Variants in HJV observed in about 807,000 individuals in gnomAD.
The protein encoded by HJV is hemojuvelin BMP co-receptor.
In HJV, 18 loss-of-function variants were observed where a neutral mutation model predicts 22.7. That is an observed-to-expected ratio of 0.79 (90% CI 0.55 to 1.18). The LOEUF (loss-of-function observed/expected upper bound fraction) is 1.18, where lower values mean the gene tolerates loss of function less well. Ranked by LOEUF, HJV falls within the 50% of genes most tolerant of loss-of-function variation. The pLI is 0.00. For missense variants in HJV, 572 were observed against 553.0 expected (o/e 1.03, Z -0.34); for synonymous variants, 229 against 222.7 (o/e 1.03, Z -0.25).
At chr1:146,019,126 C>T (rs782187602) in intron 3 of HJV, 49 bp downstream of exon 3, 5 of 1,447,116 alleles carry the variant, frequency 3.5e-6, no homozygotes, top group Admixed American at 3.3e-5. Flanking sequence ...GAATGGTGCC[C>T]GTGGAAGAAT....
In HJV at chr1:146,019,494, A is replaced by C; in HGVS notation, c.338T>G (p.Leu113Arg). Residue 113 changes from leucine (L) to arginine (R), a missense_variant, in exon 3 of 4, where the codon CTG becomes CGG. Transcript: ENST00000336751. ...GCGGGAGCAGTTGTGCTGGATCATC[A>C]GGTCTTCGATGCCATGTACCGCCGA... ...FHSAVHGIEDLMIQHNCSRQG... is the reference protein window; with the variant it reads ...FHSAVHGIEDRMIQHNCSRQG... 1 of 1,612,920 alleles carries C rather than the reference A, an allele frequency of 6.2e-7. No homozygotes were observed. The highest frequency in any genetic ancestry group is 8.5e-7 in the Non-Finnish European group (1 of 1,179,906).
At position 146,019,506 on chromosome 1, in the gene HJV, C is replaced by G; in HGVS notation, c.326G>C (p.Gly109Ala). 1 of 1,612,852 alleles carries G rather than the reference C, an allele frequency of 6.2e-7. No individual in the cohort carries two copies. Among genetic ancestry groups the G allele is most frequent in the Non-Finnish European group, 8.5e-7 (1 of 1,179,906 alleles). Residue 109 changes from glycine to alanine, a missense_variant, in exon 3 of 4, where the codon GGC becomes GCC. Transcript: ENST00000336751. ...GTGCTGGATCATCAGGTCTTCGATGCCATGTACCGCCGAATGGAAGGCGAG... is the reference window on the plus strand; with the variant it reads ...GTGCTGGATCATCAGGTCTTCGATGGCATGTACCGCCGAATGGAAGGCGAG... ...GDLAFHSAVH[G>A]IEDLMIQHNC...
chr1:146,019,312 G>A lies in HJV; in HGVS notation c.520C>T (p.His174Tyr). Residue 174 changes from histidine to tyrosine, a missense_variant, in exon 3 of 4, where the codon CAT becomes TAT. Physicochemically the swap from His to Tyr is moderately conservative, Grantham distance 83. Coordinates refer to ENST00000336751, the MANE Select transcript of HJV (RefSeq NM_213653.4). Reference sequence around the variant, plus strand: ...AAGTGATGGTGGAAGCTGCGCACATGGGGGTCCCCGAAGGAAGCGCAATGC... The same window carrying A: ...AAGTGATGGTGGAAGCTGCGCACATAGGGGTCCCCGAAGGAAGCGCAATGC... ...FLHCASFGDP[H>Y]VRSFHHHFHT... 6.2e-7 allele frequency: 1 copy of A among 1,613,858 alleles called. No individual in the cohort carries two copies. The highest frequency in any genetic ancestry group is 1.1e-5 in the South Asian group (1 of 91,086).
chr1:146,018,956 T>G (rs1293354348), intron 3 of HJV, among the ~76,000 whole-genome samples: 1 of 152,212 alleles, frequency 6.6e-6, no homozygotes, highest in Non-Finnish European at 1.5e-5. Flanking sequence ...CCTCTCCGAC[T>G]GTCTCTTCAA....
At chr1:146,020,021 G>C (rs1211220005) in intron 2 of HJV, 114 bp downstream of exon 2, 2 of 863,732 alleles carry the variant, frequency 2.3e-6, no homozygotes, top group Admixed American at 1.9e-5. Context: ...AGCAGGGCGA[G>C]TGATCGGGAC....
chr1:146,017,694 G>T lies in HJV; in HGVS notation c.*383C>A. 2 of 236,766 alleles carry T rather than the reference G, an allele frequency of 8.4e-6. No individual in the cohort carries two copies. The highest frequency in any genetic ancestry group is 1.8e-5 in the Non-Finnish European group (2 of 110,740). The allele number at this position is 236,766 out of a possible 1,614,324, so 14.7% of individuals were successfully genotyped here. On this transcript the variant is annotated 3_prime_UTR_variant, in exon 4 of 4. Transcript: ENST00000336751. ...GTCTTCCTCCTTTGAGTTTCTTATG[G>T]CTAATGATCATGTCTTCTGCTTTCA...
At position 146,019,574 on chromosome 1, in the gene HJV, A is replaced by G. The variant is rs782705202; in HGVS notation, c.258T>C (p.Tyr86=). The G allele has an allele frequency of 9.3e-6, 15 of 1,613,398 alleles. No homozygotes were observed. The highest frequency in any genetic ancestry group is 2.2e-5 in the South Asian group (2 of 91,082). ...SGGLCRALRS[Y]ALCTRRTART... ...GGGCGGTGCGCCGAGTGCAGAGCGC[A>G]TAGGAGCGGAGGGCTCGACAGAGGC... Residue 86 remains tyrosine (Y), a synonymous_variant, in exon 3 of 4, where the codon TAT becomes TAC. Coordinates refer to ENST00000336751, the MANE Select transcript of HJV (RefSeq NM_213653.4).
In HJV at chr1:146,019,628, T is replaced by G. The variant is rs1553769772; in HGVS notation, c.204A>C (p.Gly68=). The G allele has an allele frequency of 7.0e-7, 1 of 1,436,556 alleles. No homozygotes were observed. The highest frequency in any genetic ancestry group is 9.7e-7 in the Non-Finnish European group (1 of 1,030,374). The allele number at this position is 1,436,556 out of a possible 1,614,324, so 89.0% of individuals were successfully genotyped here. ...SSGALRGGGG[G]GRGGGVGSGG... ...CAGAGCCCACCCCTCCACCCCGGCCTCCTCCTCCTCCTCCTCGAAGTGCTC... is the reference window on the plus strand; with the variant it reads ...CAGAGCCCACCCCTCCACCCCGGCCGCCTCCTCCTCCTCCTCGAAGTGCTC... The change falls in exon 3 of 4, where the codon GGA becomes GGC. Residue 68 remains glycine (G), a synonymous_variant. Transcript: ENST00000336751.
In HJV at chr1:146,018,396, C is replaced by T. The variant is rs782770079; in HGVS notation, c.962G>A (p.Cys321Tyr). 6 of 1,614,086 alleles carry T rather than the reference C, an allele frequency of 3.7e-6. No homozygotes were observed. The highest frequency in any genetic ancestry group is 2.2e-5 in the East Asian group (1 of 44,886). The change falls in exon 4 of 4, where the codon TGC (cysteine) becomes TAC (tyrosine). Residue 321 changes from cysteine to tyrosine, a missense_variant. Transcript: ENST00000336751. ...EQDLQLCVGG[C>Y]PPSQRLSRSE... Reference sequence around the variant, plus strand: ...TCGAGAGAGTCGCTGACTTGGAGGGCACCCCCCAACACAGAGCTGCAGGTC... The same window carrying T: ...TCGAGAGAGTCGCTGACTTGGAGGGTACCCCCCAACACAGAGCTGCAGGTC...
chr1:146,019,106 G>A, intron 3 of HJV, 69 bp downstream of exon 3: 1 of 1,259,850 alleles, frequency 7.9e-7, no homozygotes, highest in Non-Finnish European at 1.2e-6. Flanking sequence ...TGAATAGTGG[G>A]GATGGGGAGG....
chr1:146,020,063 G>C (rs1652626532), intron 2 of HJV, 72 bp downstream of exon 2: 1 of 1,056,438 alleles, frequency 9.5e-7, no homozygotes, highest in Admixed American at 1.7e-5. Context: ...ACTCATTCAG[G>C]CTCACATGCC....
At position 146,017,986 on chromosome 1, in the gene HJV, GC is replaced by G; in HGVS notation, c.*90del. On this transcript the variant is annotated 3_prime_UTR_variant, in exon 4 of 4. Transcript: ENST00000336751. Reference sequence around the variant, plus strand: ...TGTCATTGTTTCACGTGTCTCCTAGGCCCTGCTTCCTTTAATGATTCTTTAC... The same window carrying G: ...TGTCATTGTTTCACGTGTCTCCTAGGCCTGCTTCCTTTAATGATTCTTTAC... 1 of 1,387,970 alleles carries G rather than the reference GC, an allele frequency of 7.2e-7. No individual in the cohort carries two copies. The highest frequency in any genetic ancestry group is 1.0e-6 in the Non-Finnish European group (1 of 979,434). 86.0% of individuals were successfully genotyped at this position (1,387,970 alleles called of 1,614,324 possible). A position where few individuals can be genotyped will look rare whatever the true frequency, so the allele number is the denominator to read the frequency against.
Position 146,018,605 on chromosome 1 carries a change from A to T in HJV, c.753T>A (p.Ser251=). Residue 251 remains serine (S), a synonymous_variant, in exon 4 of 4, where the codon TCT becomes TCA. Transcript: ENST00000336751. ...DNLPVAFEDG[S]INGGDRPGGS... The stretch of plus-strand genomic sequence containing the variant: ...CCCCAGGTCGGTCACCTCCATTGAT[A>T]GAACCATCTTCAAAGGCTACAGGAA... 6.2e-7 allele frequency: 1 copy of T among 1,614,210 alleles called. No homozygotes were observed. Among genetic ancestry groups the T allele is most frequent in the Middle Eastern group, 1.6e-4 (1 of 6,062 alleles).
In HJV at chr1:146,019,518, G is replaced by C; in HGVS notation, c.314C>G (p.Ser105Trp). Residue 105 changes from serine (S) to tryptophan (W), a missense_variant, in exon 3 of 4, where the codon TCG becomes TGG. Coordinates refer to ENST00000336751, the MANE Select transcript of HJV (RefSeq NM_213653.4). ...CAGGTCTTCGATGCCATGTACCGCC[G>C]AATGGAAGGCGAGGTCCCCGCGGCA... ...RTCRGDLAFH[S>W]AVHGIEDLMI... The C allele has an allele frequency of 1.2e-6, 2 of 1,613,006 alleles. No homozygotes were observed.
chr1:146,021,471 A>G (rs1242772837), intron 1 of HJV, 116 bp downstream of exon 1: 2 of 152,754 alleles, frequency 1.3e-5, no homozygotes, highest in African/African-American at 4.8e-5. Context: ...GCACCTTGGT[A>G]GGGAGAGATC....
rs377228945 is a variant in HJV at position 146,020,247 on chromosome 1, T to G, written c.-16A>C. On this transcript the variant is annotated 5_prime_UTR_variant, in exon 2 of 4. Coordinates refer to ENST00000336751, the MANE Select transcript of HJV (RefSeq NM_213653.4). ...GCTCCCCCATACCTATCCAGCCAGG[T>G]TTCCCAGGCGCCGGTTCTTCCCAGC... 56 of 1,557,392 alleles carry G rather than the reference T, an allele frequency of 3.6e-5. No individual in the cohort carries two copies. The African/African-American group carries it at 6.1e-4, about 17-fold the overall frequency.
In HJV at chr1:146,017,849, G is replaced by T. The variant is rs587616184; in HGVS notation, c.*228C>A. The stretch of plus-strand genomic sequence containing the variant: ...CAATTTGTTTACTATAAATGAGGCT[G>T]GAAAAATTGGTGAAGAGCCCCACAG... On this transcript the variant is annotated 3_prime_UTR_variant, in exon 4 of 4. Transcript: ENST00000336751. The T allele has an allele frequency of 1.2e-4, 66 of 573,838 alleles. No homozygotes were observed. The highest frequency in any genetic ancestry group is 1.1e-3 in the African/African-American group (61 of 53,310). The allele number at this position is 573,838 out of a possible 1,614,324, so 35.5% of individuals were successfully genotyped here. A position where few individuals can be genotyped will look rare whatever the true frequency, so the allele number is the denominator to read the frequency against.
intron 2 of HJV, 85 bp from the exon 3 acceptor site, chr1:146,019,819 C>T (rs1652606214): frequency 6.2e-7 from 1 of 1,608,234 alleles, no homozygotes; most frequent in East Asian, 2.2e-5. Flanking sequence ...TCTTCCAAAT[C>T]TCATCAGGGG....
At position 146,018,229 on chromosome 1, in the gene HJV, C is replaced by T. The variant is rs1391755762; in HGVS notation, c.1129G>A (p.Ala377Thr). ...ISGDPNFTVA[A>T]QAALEDARAF... is the part of the protein sequence containing the mutation. ...CGGGCATCCTCCAGTGCTGCCTGAG[C>T]TGCCACGGTAAAGTTGGGATCACCA... The change falls in exon 4 of 4, where the codon GCT (alanine) becomes ACT (threonine). Residue 377 changes from alanine to threonine, a missense_variant. Transcript: ENST00000336751. 1 of 1,614,170 alleles carries T rather than the reference C, an allele frequency of 6.2e-7. No homozygotes were observed. The highest frequency in any genetic ancestry group is 1.7e-5 in the Admixed American group (1 of 60,018).
Sources: allele counts gnomAD v4.1 joint callset (sites outside exome capture counted in the v4.1 genomes callset), GRCh38; gene constraint gnomAD v4.1.1; transcripts MANE v1.5; gene names NCBI Gene and HGNC (gene_info 2026-07-23, HGNC 2026-07-21).